Variants in RAB28 observed in about 807,000 individuals in gnomAD.
The protein encoded by RAB28 is ras-related protein Rab-28.
RAB28 carries 24 observed loss-of-function variants against 31.7 expected under a neutral mutation model. The ratio of observed to expected loss-of-function variants is 0.76; its 90% CI spans 0.55 to 1.06. RAB28 has a LOEUF of 1.06. Among genes scored for constraint, RAB28 ranks in the 50% least tolerant of loss-of-function variants. RAB28 has a pLI of 0.00. For missense variants in RAB28, 254 were observed against 258.5 expected (o/e 0.98, Z 0.12); for synonymous variants, 100 against 90.4 (o/e 1.11, Z -0.60).
chr4:13,448,421 C>T (rs973487905), intron 4 of RAB28, among the ~76,000 whole-genome samples: 1 of 151,918 alleles, frequency 6.6e-6, no homozygotes, highest in Non-Finnish European at 1.5e-5. Context: ...ATTGTTATAT[C>T]AAAATGCTTA....
intron 4 of RAB28, among the ~76,000 whole-genome samples, chr4:13,416,918 C>T (rs1014637216): frequency 3.9e-5 from 6 of 152,100 alleles, no homozygotes; most frequent in African/African-American, 9.7e-5. Context: ...GATGGCAAGC[C>T]GAAGCAGGGC....
intron 2 of RAB28, among the ~76,000 whole-genome samples, chr4:13,477,657 AT>A (rs1264017378): frequency 6.6e-6 from 1 of 151,226 alleles, no homozygotes; most frequent in Non-Finnish European, 1.5e-5. Flanking sequence ...TAAAAAAAAA[AT>A]AGAAGTTTTT....
intron 4 of RAB28, among the ~76,000 whole-genome samples, chr4:13,449,440 T>C (rs1169433061): frequency 6.6e-6 from 1 of 151,920 alleles, no homozygotes; most frequent in African/African-American, 2.4e-5. Context: ...AGACCATAAG[T>C]AAAATTTTCA....
chr4:13,424,630 C>G, intron 4 of RAB28, among the ~76,000 whole-genome samples: 1 of 152,192 alleles, frequency 6.6e-6, no homozygotes, highest in East Asian at 1.9e-4. Flanking sequence ...CTTCCTATTT[C>G]ACTGAGAAAC....
At chr4:13,463,518 A>G (rs1176867108) in intron 3 of RAB28, among the ~76,000 whole-genome samples, 4 of 152,166 alleles carry the variant, frequency 2.6e-5, no homozygotes, top group African/African-American at 9.7e-5. Flanking sequence ...GAGTGGCTAC[A>G]ACAGAGACAA....
intron 4 of RAB28, among the ~76,000 whole-genome samples, chr4:13,448,027 G>T (rs755682493): frequency 6.6e-6 from 1 of 152,080 alleles, no homozygotes; most frequent in Non-Finnish European, 1.5e-5. Flanking sequence ...ACAAGAGGAT[G>T]ACCATAAGTG....
chr4:13,396,888 G>C (rs151238731), intron 4 of RAB28, among the ~76,000 whole-genome samples: 1 of 152,182 alleles, frequency 6.6e-6, no homozygotes, highest in African/African-American at 2.4e-5. Context: ...TTGAGACATA[G>C]AAATTAAGAC....
intron 4 of RAB28, among the ~76,000 whole-genome samples, chr4:13,383,477 GA>G (rs565480149): frequency 1.8e-3 from 265 of 149,608 alleles, no homozygotes; most frequent in African/African-American, 6.3e-3. Context: ...TTGTTCAATT[GA>G]AAAAAAAAGA....
At chr4:13,403,694 C>A (rs2108902611) in intron 4 of RAB28, among the ~76,000 whole-genome samples, 1 of 152,222 alleles carries the variant, frequency 6.6e-6, no homozygotes, top group East Asian at 1.9e-4. Flanking sequence ...CCAAGTACAT[C>A]ATTTTAAGAT....
chr4:13,427,553 G>A (rs1323425586), intron 4 of RAB28, among the ~76,000 whole-genome samples: 1 of 152,158 alleles, frequency 6.6e-6, no homozygotes, highest in Non-Finnish European at 1.5e-5. Context: ...AAACACATGG[G>A]ATTGTGCAGC....
At chr4:13,465,875 C>A (rs1341043005) in intron 3 of RAB28, among the ~76,000 whole-genome samples, 1 of 151,642 alleles carries the variant, frequency 6.6e-6, no homozygotes, top group African/African-American at 2.4e-5. Context: ...AAAATAGACA[C>A]ATTAACCAAC....
intron 4 of RAB28, among the ~76,000 whole-genome samples, chr4:13,432,318 G>A (rs761423957): frequency 3.9e-5 from 6 of 152,000 alleles, no homozygotes; most frequent in African/African-American, 4.8e-5. Flanking sequence ...AGACAAACTG[G>A]CATTCCTGAG....
At chr4:13,391,542 A>T (rs1729629987) in intron 4 of RAB28, among the ~76,000 whole-genome samples, 1 of 152,190 alleles carries the variant, frequency 6.6e-6, no homozygotes, top group South Asian at 2.1e-4. Flanking sequence ...TGACCCAGTG[A>T]TCCCACTACT....
intron 6 of RAB28, chr4:13,370,611 C>A (rs1218081812): frequency 1.0e-6 from 1 of 982,482 alleles, no homozygotes; most frequent in Non-Finnish European, 1.2e-6. Flanking sequence ...ATGAAGACAT[C>A]AGAGGAAGGC....
intron 4 of RAB28, among the ~76,000 whole-genome samples, chr4:13,432,478 C>T (rs2108932262): frequency 6.6e-6 from 1 of 152,076 alleles, no homozygotes; most frequent in East Asian, 1.9e-4. Flanking sequence ...ATCCCCAAGG[C>T]ATATAGTTAT....
rs1040065113 is a variant in RAB28 at position 13,474,408 on chromosome 4, T to C, written c.173-2A>G. 2 of 1,528,570 alleles carry C rather than the reference T, an allele frequency of 1.3e-6. No homozygotes were observed. Among genetic ancestry groups the C allele is most frequent in the African/African-American group, 1.4e-5 (1 of 71,902 alleles). 94.7% of individuals were successfully genotyped at this position (1,528,570 alleles called of 1,614,324 possible). Reference sequence around the variant, plus strand: ...TTTGAAGGGTAACATTCAAGTTTCCTAGAATATAAAAAATGAATATAAAAA... The same window carrying C: ...TTTGAAGGGTAACATTCAAGTTTCCCAGAATATAAAAAATGAATATAAAAA... On this transcript the variant is annotated splice_acceptor_variant, in intron 2 of 6. Transcript: ENST00000330852. LOFTEE classifies it high-confidence loss of function.
chr4:13,390,330 C>T (rs1204025668), intron 4 of RAB28, among the ~76,000 whole-genome samples: 3 of 151,994 alleles, frequency 2.0e-5, no homozygotes. Context: ...GAATAAAATG[C>T]CTAGGAATCC....
At chr4:13,423,921 A>G (rs544490034) in intron 4 of RAB28, among the ~76,000 whole-genome samples, 1 of 152,128 alleles carries the variant, frequency 6.6e-6, no homozygotes, top group Non-Finnish European at 1.5e-5. Context: ...TTGAAAACCT[A>G]TTTGGACAAA....
intron 4 of RAB28, among the ~76,000 whole-genome samples, chr4:13,400,467 T>C (rs1484960950): frequency 6.6e-6 from 1 of 152,192 alleles, no homozygotes; most frequent in African/African-American, 2.4e-5. Flanking sequence ...AAATGGTGTT[T>C]GCTGTCTTTC....
Sources: allele counts gnomAD v4.1 joint callset (sites outside exome capture counted in the v4.1 genomes callset), GRCh38; gene constraint gnomAD v4.1.1; transcripts MANE v1.5; gene names NCBI Gene and HGNC (gene_info 2026-07-23, HGNC 2026-07-21).